The following GPC5 variants were observed in gnomAD, a reference collection of about 807,000 sequenced individuals.
GPC5 encodes glypican-5.
Under a neutral mutation model 53.9 loss-of-function variants are expected in GPC5, and 47 were observed. The observed-to-expected ratio is 0.87, with a 90% CI of 0.69 to 1.11. The LOEUF is 1.11. GPC5 is among the 50% of genes most tolerant of loss of function. GPC5 has a pLI of 0.00. For missense variants in GPC5, 748 were observed against 713.1 expected, an observed-to-expected ratio of 1.05 and a Z score of -0.56; for synonymous variants, 286 against 263.3, an observed-to-expected ratio of 1.09 and a Z score of -0.84.
At chr13:92,515,386 A>ATG (rs1166704189) in intron 7 of GPC5, among the ~76,000 whole-genome samples, 1 of 152,170 alleles carries the variant, frequency 6.6e-6, no homozygotes, top group African/African-American at 2.4e-5. Flanking sequence ...GTGGACCTTA[A>ATG]TGTGTTTCTT....
chr13:92,454,375 T>A (rs1258619367), intron 7 of GPC5, among the ~76,000 whole-genome samples: 2 of 152,210 alleles, frequency 1.3e-5, no homozygotes. Flanking sequence ...GTATTGCTTA[T>A]CTGTAGTATT....
chr13:91,705,883 C>CTTTTTT (rs11411010), intron 3 of GPC5, among the ~76,000 whole-genome samples: 2 of 134,268 alleles, frequency 1.5e-5, no homozygotes, highest in Non-Finnish European at 1.6e-5. Context: ...TCTTTCTTTT[C>CTTTTTT]TTTTTTTTTT....
At chr13:92,051,735 A>G (rs1013453849) in intron 6 of GPC5, among the ~76,000 whole-genome samples, 1 of 152,218 alleles carries the variant, frequency 6.6e-6, no homozygotes, top group Non-Finnish European at 1.5e-5. Flanking sequence ...TAACAAAGTG[A>G]AGGTAAGACA....
Position 92,534,098 on chromosome 13 carries a change from G to A in GPC5, c.1562-332184G>A, listed in dbSNP as rs578198589. Among the ~76,000 whole-genome samples, 6 of 152,164 alleles carry A rather than the reference G, an allele frequency of 3.9e-5. No homozygotes were observed. In the East Asian group the frequency reaches 1.2e-3, roughly 30 times the overall value. On this transcript the variant is annotated intron_variant, in intron 7 of 7. Transcript: ENST00000377067. Reference sequence around the variant, plus strand: ...GCCCATTAGATCAAGACCAGCCTGGGCAATATAGTGAGATTTTATCTCTAT... The same window carrying A: ...GCCCATTAGATCAAGACCAGCCTGGACAATATAGTGAGATTTTATCTCTAT...
chr13:91,626,116 TTTTC>T (rs2033992796), intron 2 of GPC5, among the ~76,000 whole-genome samples: 1 of 152,114 alleles, frequency 6.6e-6, no homozygotes, highest in Non-Finnish European at 1.5e-5. Flanking sequence ...TGATGACTGT[TTTTC>T]TTTTTTACCT....
intron 2 of GPC5, among the ~76,000 whole-genome samples, chr13:91,573,062 T>C (rs1278607378): frequency 6.6e-6 from 1 of 152,190 alleles, no homozygotes; most frequent in African/African-American, 2.4e-5. Flanking sequence ...TTACTTTGAT[T>C]CTTCAGTGAT....
chr13:91,987,913 TGTA>T (rs1216920976), intron 6 of GPC5, among the ~76,000 whole-genome samples: 1 of 145,776 alleles, frequency 6.9e-6, no homozygotes, highest in Non-Finnish European at 1.5e-5. Flanking sequence ...AATCATACGA[TGTA>T]GTATATATAA....
intron 6 of GPC5, among the ~76,000 whole-genome samples, chr13:92,127,085 T>C (rs932880585): frequency 6.6e-6 from 1 of 152,006 alleles, no homozygotes; most frequent in Non-Finnish European, 1.5e-5. Context: ...TAGTATTGAT[T>C]GAGAAAGAAT....
At chr13:91,616,731 ATTTTC>A (rs2033706587) in intron 2 of GPC5, among the ~76,000 whole-genome samples, 1 of 152,078 alleles carries the variant, frequency 6.6e-6, no homozygotes, top group African/African-American at 2.4e-5. Context: ...TAATTTAGGT[ATTTTC>A]TTTTAAGTGA....
At chr13:92,557,544 A>G (rs1259975661) in intron 7 of GPC5, among the ~76,000 whole-genome samples, 1 of 152,002 alleles carries the variant, frequency 6.6e-6, no homozygotes, top group African/African-American at 2.4e-5. Context: ...ACATTTTAAA[A>G]CTTTTTCATG....
chr13:91,408,855 T>C (rs1325633019), intron 1 of GPC5, among the ~76,000 whole-genome samples: 1 of 152,164 alleles, frequency 6.6e-6, no homozygotes, highest in African/African-American at 2.4e-5. Context: ...GCAGCTATTT[T>C]GTTAGTCTTT....
chr13:91,571,887 GTGTGTATATACACATATTGTATA>G (rs1594271848), intron 2 of GPC5, among the ~76,000 whole-genome samples: 7 of 63,486 alleles, frequency 1.1e-4, no homozygotes, highest in Admixed American at 4.7e-4. Context: ...ACACATATAC[GTGTGTATATACACATATTGTATA>G]TATACACATA....
chr13:92,511,695 C>A (rs1289925627), intron 7 of GPC5, among the ~76,000 whole-genome samples: 1 of 152,156 alleles, frequency 6.6e-6, no homozygotes, highest in Non-Finnish European at 1.5e-5. Flanking sequence ...GATGCATATT[C>A]TCTTATAAAG....
chr13:92,173,938 C>G (rs1311535290), intron 7 of GPC5, among the ~76,000 whole-genome samples: 1 of 152,006 alleles, frequency 6.6e-6, no homozygotes, highest in African/African-American at 2.4e-5. Flanking sequence ...AACCCCATGT[C>G]TACTAAAAAT....
At chr13:91,879,207 A>G (rs2039238282) in intron 5 of GPC5, among the ~76,000 whole-genome samples, 1 of 152,140 alleles carries the variant, frequency 6.6e-6, no homozygotes, top group Non-Finnish European at 1.5e-5. Context: ...TTATATAGGT[A>G]TACAGTACCA....
chr13:92,225,594 C>T (rs1393692849), intron 7 of GPC5, among the ~76,000 whole-genome samples: 1 of 152,142 alleles, frequency 6.6e-6, no homozygotes, highest in Non-Finnish European at 1.5e-5. Flanking sequence ...CCTGAAATAA[C>T]ATACATGAGC....
chr13:91,553,346 C>G (rs927043155), intron 2 of GPC5, among the ~76,000 whole-genome samples: 2 of 128,462 alleles, frequency 1.6e-5, no homozygotes, highest in African/African-American at 6.2e-5. Flanking sequence ...AATAGCATAA[C>G]TAACATGTAA....
At position 92,738,978 on chromosome 13, in the gene GPC5, C is replaced by T. The variant is rs550213548; in HGVS notation, c.1562-127304C>T. 1.6e-4 allele frequency among the ~76,000 whole-genome samples: 25 copies of T among 152,176 alleles called. No individual in the cohort carries two copies. In the East Asian group the frequency reaches 2.7e-3, roughly 17 times the overall value. On this transcript the variant is annotated intron_variant, in intron 7 of 7. Coordinates refer to ENST00000377067, the MANE Select transcript of GPC5 (RefSeq NM_004466.6). ...TAAAAGTCATAGAAACAGTCTTCTT[C>T]GGTCCTTGCCTTGTCATAATAGCTA...
chr13:92,514,066 G>C (rs1880678993), intron 7 of GPC5, among the ~76,000 whole-genome samples: 1 of 151,712 alleles, frequency 6.6e-6, no homozygotes, highest in Non-Finnish European at 1.5e-5. Context: ...AAGAAAGGGA[G>C]TAAGGCTAAA....
Sources: gnomAD v4.1 joint callset for allele counts (sites outside exome capture counted in the v4.1 genomes callset) on GRCh38, gnomAD v4.1.1 for gene constraint, MANE v1.5 for transcripts, NCBI Gene and HGNC (gene_info 2026-07-23, HGNC 2026-07-21) for gene names.